Variants in PFDN1 observed in about 807,000 individuals in gnomAD.
PFDN1 encodes the protein prefoldin subunit 1.
Under a neutral mutation model 17.3 loss-of-function variants are expected in PFDN1, and 6 were observed. The observed-to-expected ratio is 0.35, with a 90% CI of 0.19 to 0.69. PFDN1 has a LOEUF of 0.69. Ranked by LOEUF, PFDN1 falls within the 30% of genes least tolerant of loss-of-function variation. The pLI, the probability that PFDN1 is intolerant of heterozygous loss-of-function variation, is 0.65. For synonymous variants in PFDN1, 58 were observed against 50.1 expected (o/e 1.16, Z -0.67); for missense variants, 113 against 146.2 (o/e 0.77, Z 1.17).
intron 2 of PFDN1, among the ~76,000 whole-genome samples, chr5:140,289,070 G>C (rs1482816181): frequency 6.6e-6 from 1 of 152,128 alleles, no homozygotes; most frequent in Non-Finnish European, 1.5e-5. Context: ...GGGATCACTT[G>C]AGTCCAGGAG....
chr5:140,281,666 C>G, intron 2 of PFDN1, 133 bp from the exon 3 acceptor site: 1 of 627,026 alleles, frequency 1.6e-6, no homozygotes, highest in Non-Finnish European at 2.8e-6. Flanking sequence ...ACGTCAAGCT[C>G]AGGAAACCAC....
intron 3 of PFDN1, among the ~76,000 whole-genome samples, chr5:140,266,514 T>C (rs986836817): frequency 3.9e-5 from 6 of 152,202 alleles, no homozygotes; most frequent in Admixed American, 3.3e-4. Context: ...GGATCTCTAA[T>C]AAAAACAATC....
rs984649381 is a variant in PFDN1 at position 140,254,310 on chromosome 5, CT to C, written c.286-8254del. 1.3e-5 allele frequency among the ~76,000 whole-genome samples: 2 copies of C among 152,188 alleles called. No homozygotes were observed. The highest frequency in any genetic ancestry group is 2.9e-5 in the Non-Finnish European group (2 of 68,028). ...GAGTCCAGCAGTTAGAGATTTTTAA[CT>C]TTCACTGAAAGCTGCCTAATAAAAG... On this transcript the variant is annotated intron_variant, in intron 3 of 3. Transcript: ENST00000261813. The surrounding 1 kb of genome is among the most constrained non-coding windows in gnomAD (Gnocchi z 4.4).
intron 3 of PFDN1, among the ~76,000 whole-genome samples, chr5:140,274,568 G>A (rs1370807449): frequency 6.6e-6 from 1 of 152,120 alleles, no homozygotes; most frequent in Non-Finnish European, 1.5e-5. Flanking sequence ...ATCACAGTTA[G>A]GATGTATTCT....
At chr5:140,295,520 G>C (rs932631748) in intron 2 of PFDN1, among the ~76,000 whole-genome samples, 4 of 152,178 alleles carry the variant, frequency 2.6e-5, no homozygotes, top group African/African-American at 9.7e-5. Context: ...GTATGGTGAG[G>C]TCAGCTCACA....
intron 3 of PFDN1, among the ~76,000 whole-genome samples, chr5:140,271,955 T>TATATATATTTATATACATAAG (rs1335408676): frequency 4.7e-5 from 7 of 148,586 alleles, no homozygotes; most frequent in Admixed American, 2.0e-4. Context: ...ATATACATAA[T>TATATATATTTATATACATAAG]ATATATATTT....
intron 3 of PFDN1, among the ~76,000 whole-genome samples, chr5:140,264,723 T>C (rs1765112772): frequency 1.3e-5 from 2 of 151,760 alleles, no homozygotes; most frequent in South Asian, 4.2e-4. Flanking sequence ...CCTGTGCCTA[T>C]AGTCTCAGCT....
intron 3 of PFDN1, among the ~76,000 whole-genome samples, chr5:140,267,369 T>G (rs972720867): frequency 7.9e-5 from 12 of 152,218 alleles, no homozygotes; most frequent in Admixed American, 5.2e-4. Context: ...AAGCCACATT[T>G]AAAGATCAGC....
intron 3 of PFDN1, among the ~76,000 whole-genome samples, chr5:140,255,359 T>A (rs1764971016): frequency 6.6e-6 from 1 of 152,180 alleles, no homozygotes; most frequent in Non-Finnish European, 1.5e-5. Flanking sequence ...GGAGGATCAC[T>A]TGAGGGAAGG....
At chr5:140,302,136 T>C (rs1032017130) in intron 1 of PFDN1, among the ~76,000 whole-genome samples, 1 of 152,210 alleles carries the variant, frequency 6.6e-6, no homozygotes, top group Non-Finnish European at 1.5e-5. Context: ...GAACTCAAAA[T>C]AGTGGTCAAA....
intron 2 of PFDN1, among the ~76,000 whole-genome samples, chr5:140,283,255 C>T (rs1335681451): frequency 5.9e-5 from 9 of 151,752 alleles, no homozygotes; most frequent in East Asian, 1.9e-4. Context: ...TTTTTTGAGA[C>T]GGAGTCTCGC....
intron 3 of PFDN1, among the ~76,000 whole-genome samples, chr5:140,273,002 G>A (rs1765231873): frequency 6.6e-6 from 1 of 152,098 alleles, no homozygotes; most frequent in African/African-American, 2.4e-5. Flanking sequence ...CATTGGCTCT[G>A]CTATCCCCTG....
At chr5:140,294,505 G>A (rs144930384) in intron 2 of PFDN1, among the ~76,000 whole-genome samples, 183 of 151,930 alleles carry the variant, frequency 1.2e-3, no homozygotes, top group African/African-American at 4.1e-3. Flanking sequence ...CATAACTAAG[G>A]GAAGCTGCAT....
At chr5:140,299,414 A>G (rs1302414527) in intron 2 of PFDN1, among the ~76,000 whole-genome samples, 1 of 152,090 alleles carries the variant, frequency 6.6e-6, no homozygotes, top group African/African-American at 2.4e-5. Flanking sequence ...ATCCTGGCCA[A>G]CACGGTAAAA....
At position 140,248,757 on chromosome 5, in the gene PFDN1, G is replaced by A. The variant is rs555812011; in HGVS notation, c.286-2700C>T. 1.6e-4 allele frequency among the ~76,000 whole-genome samples: 25 copies of A among 152,256 alleles called. No homozygotes were observed. The South Asian group carries it at 4.8e-3, about 29-fold the overall frequency. On this transcript the variant is annotated intron_variant, in intron 3 of 3. Coordinates refer to ENST00000261813, the MANE Select transcript of PFDN1 (RefSeq NM_002622.5). ...AAATTCCTTCTTCTGTAAAATCTCT[G>A]CTTTCTAACACTTTGATGAATTTTA...
chr5:140,267,556 T>C (rs1221546182), intron 3 of PFDN1, among the ~76,000 whole-genome samples: 1 of 152,172 alleles, frequency 6.6e-6, no homozygotes, highest in Non-Finnish European at 1.5e-5. Flanking sequence ...AAAAATCCAT[T>C]CAATGAGAAT....
At chr5:140,264,637 G>T (rs774266562) in intron 3 of PFDN1, among the ~76,000 whole-genome samples, 8 of 151,624 alleles carry the variant, frequency 5.3e-5, no homozygotes, top group Non-Finnish European at 1.2e-4. Flanking sequence ...CCAAGTTTGA[G>T]ACCAGCCTGG....
intron 3 of PFDN1, among the ~76,000 whole-genome samples, chr5:140,280,004 AAAAAAAAAAC>A (rs1765367313): frequency 2.1e-5 from 3 of 143,172 alleles, no homozygotes; most frequent in Admixed American, 6.9e-5. Flanking sequence ...TCAAAAAAAA[AAAAAAAAAAC>A]AAAAAAAGAA....
intron 3 of PFDN1, among the ~76,000 whole-genome samples, chr5:140,256,006 T>C (rs1764980427): frequency 6.6e-6 from 1 of 152,204 alleles, no homozygotes; most frequent in Non-Finnish European, 1.5e-5. Flanking sequence ...GTCATCTTAC[T>C]CAACCTCTCA....
Sources: allele counts gnomAD v4.1 joint callset (sites outside exome capture counted in the v4.1 genomes callset), GRCh38; gene constraint gnomAD v4.1.1; non-coding constraint Gnocchi (gnomAD v3.1); transcripts MANE v1.5; gene names NCBI Gene and HGNC (gene_info 2026-07-23, HGNC 2026-07-21).